SLC5A3: variants seen among roughly 807,000 people sequenced by gnomAD.
The protein encoded by SLC5A3 is solute carrier family 5 member 3.
SLC5A3 carries 10 observed loss-of-function variants against 43.2 expected under a neutral mutation model. The observed-to-expected ratio is 0.23, with a 90% CI of 0.14 to 0.39. SLC5A3 has a LOEUF of 0.39. SLC5A3 is among the 10% of genes least tolerant of loss of function. SLC5A3 has a pLI of 1.00. For synonymous variants in SLC5A3, 349 were observed against 322.0 expected, an observed-to-expected ratio of 1.08 and a Z score of -0.90; for missense variants, 608 against 893.4, an observed-to-expected ratio of 0.68 and a Z score of 4.07.
rs1044834718 is a variant in SLC5A3, at chr21:34,103,250, C to T, written c.*5895C>T. On this transcript the variant is annotated 3_prime_UTR_variant, in exon 2 of 2. Transcript: ENST00000381151. ...ATTGACTCTGCTAGTTTGCACCTTTCCGTTCTTAACAGAAAATTTGTATTT... is the reference window on the plus strand; with the variant it reads ...ATTGACTCTGCTAGTTTGCACCTTTTCGTTCTTAACAGAAAATTTGTATTT... 2.3e-5 allele frequency: 23 copies of T among 999,172 alleles called. No homozygotes were observed. The African/African-American group carries it at 3.9e-4, about 17-fold the overall frequency. The allele number at this position is 999,172 out of a possible 1,614,324, so 61.9% of individuals were successfully genotyped here. A position where few individuals can be genotyped will look rare whatever the true frequency, so the allele number is the denominator to read the frequency against.
At chr21:34,073,938 C>A (rs1160938084) in intron 1 of SLC5A3, among the ~76,000 whole-genome samples, 193 bp downstream of exon 1, 1 of 145,400 alleles carries the variant, frequency 6.9e-6, no homozygotes, top group Admixed American at 6.8e-5. Flanking sequence ...CGGCCGCGTG[C>A]GCGCGGGAGG....
chr21:34,092,770 C>T (rs187909717), intron 1 of SLC5A3, among the ~76,000 whole-genome samples: 6 of 152,294 alleles, frequency 3.9e-5, no homozygotes, highest in Middle Eastern at 3.4e-3. Flanking sequence ...TATTTCCCCC[C>T]CAACGGCCAG....
At chr21:34,086,517 T>G (rs201436454) in intron 1 of SLC5A3, among the ~76,000 whole-genome samples, 8 of 148,272 alleles carry the variant, frequency 5.4e-5, no homozygotes, top group African/African-American at 1.7e-4. Context: ...TAGTTTGTGT[T>G]TGTGTGTGTG....
intron 1 of SLC5A3, among the ~76,000 whole-genome samples, chr21:34,074,016 G>T (rs932952144): frequency 7.5e-5 from 11 of 146,448 alleles, no homozygotes; most frequent in African/African-American, 2.2e-4. Context: ...CCGGGCGGGG[G>T]GCGGGGCGGA....
rs1330225902 is a variant in SLC5A3, at chr21:34,101,051, TAGAG to T, written c.*3700_*3703del. The stretch of plus-strand genomic sequence containing the variant: ...CACCTCACTGTTTCCTAGGTTTGGA[TAGAG>T]AGATGTATACAAGACCTTTCCTGTT... On this transcript the variant is annotated 3_prime_UTR_variant, in exon 2 of 2. Coordinates refer to ENST00000381151, the MANE Select transcript of SLC5A3 (RefSeq NM_006933.7). The T allele has an allele frequency of 1.0e-6, 1 of 1,000,018 alleles. No homozygotes were observed. Among genetic ancestry groups the T allele is most frequent in the Non-Finnish European group, 1.2e-6 (1 of 829,938 alleles). 61.9% of individuals were successfully genotyped at this position (1,000,018 alleles called of 1,614,324 possible).
In SLC5A3 at chr21:34,106,047, C is replaced by T; in HGVS notation, c.*8692C>T. 1.0e-6 allele frequency: 1 copy of T among 997,044 alleles called. No individual in the cohort carries two copies. Among genetic ancestry groups the T allele is most frequent in the Non-Finnish European group, 1.2e-6 (1 of 827,048 alleles). The allele number at this position is 997,044 out of a possible 1,614,324, so 61.8% of individuals were successfully genotyped here. A position where few individuals can be genotyped will look rare whatever the true frequency, so the allele number is the denominator to read the frequency against. On this transcript the variant is annotated 3_prime_UTR_variant, in exon 2 of 2. Coordinates refer to ENST00000381151, the MANE Select transcript of SLC5A3 (RefSeq NM_006933.7). Reference sequence around the variant, plus strand: ...GCTAAAGAGCTGTCAGTTTTCATTACTGACTCTGTAAAATACACTGTTCTT... The same window carrying T: ...GCTAAAGAGCTGTCAGTTTTCATTATTGACTCTGTAAAATACACTGTTCTT...
rs747552395 is a variant in SLC5A3 at position 34,095,889 on chromosome 21, T to A, written c.691T>A (p.Tyr231Asn). The A allele has an allele frequency of 1.9e-6, 3 of 1,614,114 alleles. No individual in the cohort carries two copies. Residue 231 changes from tyrosine (Y) to asparagine (N), a missense_variant, in exon 2 of 2, where the codon TAC becomes AAC. Coordinates refer to ENST00000381151, the MANE Select transcript of SLC5A3 (RefSeq NM_006933.7). ...SPDVTSILLT[Y>N]NLSNTNSCNV... ...CGATGTCACTTCCATCTTATTGACA[T>A]ACAACCTTTCCAACACAAATTCTTG... is the stretch of plus-strand genomic sequence containing the variant.
chr21:34,092,928 T>C (rs1271274255), intron 1 of SLC5A3, among the ~76,000 whole-genome samples: 1 of 152,186 alleles, frequency 6.6e-6, no homozygotes, highest in Non-Finnish European at 1.5e-5. Flanking sequence ...GGATGGCTGT[T>C]GGGTAGCAGA....
At position 34,098,384 on chromosome 21, in the gene SLC5A3, C is replaced by A. The variant is rs1010816978; in HGVS notation, c.*1029C>A. 1 of 1,000,072 alleles carries A rather than the reference C, an allele frequency of 1.0e-6. No homozygotes were observed. The highest frequency in any genetic ancestry group is 6.2e-5 in the Admixed American group (1 of 16,250). The allele number at this position is 1,000,072 out of a possible 1,614,324, so 61.9% of individuals were successfully genotyped here. ...GCTGGATTGCTCTACTTGATTAGAT[C>A]ATGATATATCAAGGTTGAATTTTTA... On this transcript the variant is annotated 3_prime_UTR_variant, in exon 2 of 2. Transcript: ENST00000381151.
chr21:34,086,312 T>C (rs1978375120), intron 1 of SLC5A3, among the ~76,000 whole-genome samples: 1 of 152,146 alleles, frequency 6.6e-6, no homozygotes, highest in African/African-American at 2.4e-5. Context: ...AGATTAATTC[T>C]TGGTGTGGGT....
intron 1 of SLC5A3, among the ~76,000 whole-genome samples, chr21:34,076,224 C>T (rs1019502287): frequency 1.3e-5 from 2 of 152,176 alleles, no homozygotes; most frequent in African/African-American, 4.8e-5. Flanking sequence ...CAGTACTCAG[C>T]CTGGAGAGCA....
At chr21:34,083,101 T>G (rs894710147) in intron 1 of SLC5A3, among the ~76,000 whole-genome samples, 3 of 152,214 alleles carry the variant, frequency 2.0e-5, no homozygotes, top group African/African-American at 7.2e-5. Flanking sequence ...TTTAAAAGTT[T>G]CTCTGTAACA....
Position 34,098,483 on chromosome 21 carries a change from A to G in SLC5A3, c.*1128A>G. On this transcript the variant is annotated 3_prime_UTR_variant, in exon 2 of 2. Transcript: ENST00000381151. ...CCCTGATTTTTTTTTTCCTCAAAAG[A>G]CTTTCCATCTGTACACAGCCTCTAC... 1 of 1,000,130 alleles carries G rather than the reference A, an allele frequency of 1.0e-6. No homozygotes were observed. Among genetic ancestry groups the G allele is most frequent in the African/African-American group, 1.7e-5 (1 of 57,306 alleles). 62.0% of individuals were successfully genotyped at this position (1,000,130 alleles called of 1,614,324 possible). A position where few individuals can be genotyped will look rare whatever the true frequency, so the allele number is the denominator to read the frequency against.
rs760955268 is a variant in SLC5A3, at chr21:34,096,981, A to G, written c.1783A>G (p.Ile595Val). The change falls in exon 2 of 2, where the codon ATT becomes GTT. Residue 595 changes from isoleucine to valine, a missense_variant. Ile to Val is a conservative substitution (Grantham distance 29). Transcript: ENST00000381151. The surrounding 1 kb of genome is among the most constrained non-coding windows in gnomAD (Gnocchi z 5.9). ...TCCCAACGGGAAATCTGAAGACAGC[A>G]TTAAGGGCCTTCAGCCTGAAGATGT... ...IIPNGKSEDS[I>V]KGLQPEDVNL... 4 of 1,614,116 alleles carry G rather than the reference A, an allele frequency of 2.5e-6. No individual in the cohort carries two copies. The highest frequency in any genetic ancestry group is 1.1e-5 in the South Asian group (1 of 91,084).
intron 1 of SLC5A3, among the ~76,000 whole-genome samples, chr21:34,078,772 A>G (rs1483139383): frequency 6.6e-6 from 1 of 152,256 alleles, no homozygotes; most frequent in Admixed American, 6.5e-5. Context: ...GGTAGAGAAC[A>G]AATGATAAAA....
Position 34,103,883 on chromosome 21 carries a change from C to G in SLC5A3, c.*6528C>G, listed in dbSNP as rs1979358557. On this transcript the variant is annotated 3_prime_UTR_variant, in exon 2 of 2. Coordinates refer to ENST00000381151, the MANE Select transcript of SLC5A3 (RefSeq NM_006933.7). ...GGGGTTTGAGGGCTTTTTACTGCAA[C>G]TTGAAACTGGAGAAATAGGGACAGA... 1.0e-6 allele frequency: 1 copy of G among 999,960 alleles called. No individual in the cohort carries two copies. The highest frequency in any genetic ancestry group is 1.2e-6 in the Non-Finnish European group (1 of 829,926). The allele number at this position is 999,960 out of a possible 1,614,324, so 61.9% of individuals were successfully genotyped here. A position where few individuals can be genotyped will look rare whatever the true frequency, so the allele number is the denominator to read the frequency against.
At position 34,104,153 on chromosome 21, in the gene SLC5A3, A is replaced by G. The variant is rs1979371491; in HGVS notation, c.*6798A>G. 1.0e-6 allele frequency: 1 copy of G among 999,990 alleles called. No homozygotes were observed. Among genetic ancestry groups the G allele is most frequent in the Non-Finnish European group, 1.2e-6 (1 of 829,922 alleles). 61.9% of individuals were successfully genotyped at this position (999,990 alleles called of 1,614,324 possible). ...TTTTTCCTATACTTGACTGTGCTTC[A>G]TTTTAATAAAGGATAATTTGATCTG... On this transcript the variant is annotated 3_prime_UTR_variant, in exon 2 of 2. Coordinates refer to ENST00000381151, the MANE Select transcript of SLC5A3 (RefSeq NM_006933.7).
Position 34,099,089 on chromosome 21 carries a change from T to C in SLC5A3, c.*1734T>C. On this transcript the variant is annotated 3_prime_UTR_variant, in exon 2 of 2. Coordinates refer to ENST00000381151, the MANE Select transcript of SLC5A3 (RefSeq NM_006933.7). ...AGAAATTGTCAGGTAGCATAGTGTC[T>C]TCCCATGATCAGGAGGCTTTCTGAA... 1 of 999,764 alleles carries C rather than the reference T, an allele frequency of 1.0e-6. No homozygotes were observed. The highest frequency in any genetic ancestry group is 1.2e-6 in the Non-Finnish European group (1 of 829,728). The allele number at this position is 999,764 out of a possible 1,614,324, so 61.9% of individuals were successfully genotyped here. A position where few individuals can be genotyped will look rare whatever the true frequency, so the allele number is the denominator to read the frequency against.
rs987329240 is a variant in SLC5A3, at chr21:34,074,628, C to T, written c.-337+883C>T. ...CTCCTCAAGTCGTCGCCGAAATCCC[C>T]ATTCTCCCGTGAATTCGGAATTCGG... On this transcript the variant is annotated intron_variant, in intron 1 of 1. Coordinates refer to ENST00000381151, the MANE Select transcript of SLC5A3 (RefSeq NM_006933.7). Among the ~76,000 whole-genome samples, 45 of 152,228 alleles carry T rather than the reference C, an allele frequency of 3.0e-4. 1 individual carries two copies. Among genetic ancestry groups the T allele is most frequent in the Admixed American group, 2.6e-3 (39 of 15,284 alleles).
Sources: gnomAD v4.1 joint callset for allele counts (sites outside exome capture counted in the v4.1 genomes callset) on GRCh38, gnomAD v4.1.1 for gene constraint, Gnocchi (gnomAD v3.1) non-coding constraint, MANE v1.5 for transcripts, NCBI Gene and HGNC (gene_info 2026-07-23, HGNC 2026-07-21) for gene names.